Variants in FMNL3 observed in about 807,000 individuals in gnomAD.
FMNL3 encodes formin-like protein 3.
In FMNL3, 57 loss-of-function variants were observed where a neutral mutation model predicts 119.6. That is an observed-to-expected ratio of 0.48 (90% CI 0.39 to 0.59). FMNL3 has a LOEUF of 0.59. Among genes scored for constraint, FMNL3 ranks in the 20% least tolerant of loss-of-function variants. The probability of loss-of-function intolerance (pLI) is 0.00; values close to 1 mark genes in which losing one functional copy is unlikely to be tolerated. For missense variants in FMNL3, 1,053 were observed against 1,323.5 expected, an observed-to-expected ratio of 0.80 and a Z score of 3.17; for synonymous variants, 491 against 507.3, an observed-to-expected ratio of 0.97 and a Z score of 0.43.
chr12:49,656,712 A>C (rs1406645419), intron 8 of FMNL3, 111 bp downstream of exon 8: 1 of 1,123,146 alleles, frequency 8.9e-7, no homozygotes, highest in African/African-American at 1.5e-5. Flanking sequence ...GGGCCAAACC[A>C]AGGCTCTTGA....
intron 1 of FMNL3, among the ~76,000 whole-genome samples, chr12:49,676,584 C>T (rs1400421254): frequency 8.2e-6 from 1 of 122,290 alleles, no homozygotes; most frequent in Non-Finnish European, 1.6e-5. Flanking sequence ...AGAACATAAA[C>T]TCCTTAAGGG....
chr12:49,657,007 T>A (rs1943591313), intron 7 of FMNL3, 75 bp downstream of exon 7: 2 of 1,551,528 alleles, frequency 1.3e-6, no homozygotes, highest in Non-Finnish European at 1.8e-6. Flanking sequence ...TATAAGCTGA[T>A]GCCCTCCTAG....
intron 25 of FMNL3, chr12:49,646,599 G>A (rs1943198975): frequency 7.0e-7 from 1 of 1,432,474 alleles, no homozygotes; most frequent in Non-Finnish European, 9.2e-7. Context: ...GGAATCCTGG[G>A]AGACGGGCAT....
intron 5 of FMNL3, 82 bp downstream of exon 5, chr12:49,661,884 T>A: frequency 7.7e-7 from 1 of 1,298,854 alleles, no homozygotes; most frequent in South Asian, 1.2e-5. Flanking sequence ...ATTGTTGAAC[T>A]CTCACCCTTC....
chr12:49,644,240 T>C lies in FMNL3; in HGVS notation c.*1575A>G. On this transcript the variant is annotated 3_prime_UTR_variant, in exon 26 of 26. Coordinates refer to ENST00000335154, the MANE Select transcript of FMNL3 (RefSeq NM_175736.5). ...CGGGTCTGTGTGAGGCCATGGCTCC[T>C]GGGCCACCCTCACCGTCTGCCTCAG... 16 of 1,597,528 alleles carry C rather than the reference T, an allele frequency of 1.0e-5. No homozygotes were observed. The highest frequency in any genetic ancestry group is 1.3e-5 in the Non-Finnish European group (15 of 1,165,868).
At position 49,649,134 on chromosome 12, in the gene FMNL3, G is replaced by C. The variant is rs376073981; in HGVS notation, c.2410C>G (p.Arg804Gly). 10 of 1,613,354 alleles carry C rather than the reference G, an allele frequency of 6.2e-6. No homozygotes were observed. Among genetic ancestry groups the C allele is most frequent in the African/African-American group, 1.3e-5 (1 of 74,886 alleles). ...ATGAAATGAAGCAGTGTCATCTTCC[G>C]GTCAGTGGACTTGGTATCCAGCAGC... is the stretch of plus-strand genomic sequence containing the variant. ...DLLLDTKSTD[R>G]KMTLLHFIAL... Residue 804 changes from arginine to glycine, a missense_variant, in exon 21 of 26, where the codon CGG becomes GGG. Transcript: ENST00000335154. The surrounding 1 kb of genome is among the most constrained non-coding windows in gnomAD (Gnocchi z 5.6).
rs773144132 is a variant in FMNL3, at chr12:49,637,445, CTA to C, written c.*8368_*8369del. 1.3e-5 allele frequency: 21 copies of C among 1,555,982 alleles called. No homozygotes were observed. The highest frequency in any genetic ancestry group is 3.3e-5 in the Admixed American group (2 of 59,882). On this transcript the variant is annotated 3_prime_UTR_variant, in exon 26 of 26. Coordinates refer to ENST00000335154, the MANE Select transcript of FMNL3 (RefSeq NM_175736.5). Reference sequence around the variant, plus strand: ...GCTCTGCCTCCCTGTCTCACTCTCCCTATAACTGGCCTCTCCCTGCTCAGACC... The same window carrying C: ...GCTCTGCCTCCCTGTCTCACTCTCCCTAACTGGCCTCTCCCTGCTCAGACC...
intron 1 of FMNL3, chr12:49,688,309 C>G (rs1944519015): frequency 4.7e-6 from 2 of 427,150 alleles, no homozygotes; most frequent in African/African-American, 4.1e-5. Context: ...ATAAGGGAGA[C>G]AGATTCCAGG....
chr12:49,675,131 C>T (rs955878340), intron 1 of FMNL3, among the ~76,000 whole-genome samples: 22 of 152,192 alleles, frequency 1.4e-4, no homozygotes, highest in Admixed American at 6.5e-5. Context: ...ATGAGATAAC[C>T]TCTGCAGGTA....
At position 49,653,810 on chromosome 12, in the gene FMNL3, A is replaced by C. The variant is rs1182040656; in HGVS notation, c.1136T>G (p.Phe379Cys). Residue 379 changes from phenylalanine (F) to cysteine (C), a missense_variant, in exon 12 of 26, where the codon TTT becomes TGT. Phe to Cys is a radical substitution (Grantham distance 205). Around this residue, in one of 4 missense-constraint regions of FMNL3, gnomAD observed 445 missense variants for 628.4 expected, o/e 0.71. Coordinates refer to ENST00000335154, the MANE Select transcript of FMNL3 (RefSeq NM_175736.5). ...VQIQAYLDNV[F>C]DVGGLLEDAE... Reference sequence around the variant, plus strand: ...ATCCTCCAACAAACCCCCGACATCAAACACGTTGTCCAGATATGCCTGAAT... The same window carrying C: ...ATCCTCCAACAAACCCCCGACATCACACACGTTGTCCAGATATGCCTGAAT... 6.2e-7 allele frequency: 1 copy of C among 1,614,178 alleles called. No homozygotes were observed. The highest frequency in any genetic ancestry group is 2.2e-5 in the East Asian group (1 of 44,888).
At chr12:49,648,739 T>C (rs1417553158) in intron 21 of FMNL3, among the ~76,000 whole-genome samples, 1 of 152,204 alleles carries the variant, frequency 6.6e-6, no homozygotes, top group Non-Finnish European at 1.5e-5. Context: ...ACAAGACCTC[T>C]GGGGCCAGCT....
chr12:49,702,464 T>C (rs1405165040), intron 1 of FMNL3, among the ~76,000 whole-genome samples: 3 of 152,252 alleles, frequency 2.0e-5, no homozygotes, highest in Non-Finnish European at 4.4e-5. Context: ...GATGTTTTTC[T>C]TTAACCTAAA....
Position 49,642,107 on chromosome 12 carries a change from T to C in FMNL3, c.*3708A>G. ...CCTTCTCACTCACTGTCCCACTGAC[T>C]ATATTCCCAATTCAGGGGATGGTGG... is the stretch of plus-strand genomic sequence containing the variant. On this transcript the variant is annotated 3_prime_UTR_variant, in exon 26 of 26. Transcript: ENST00000335154. The surrounding 1 kb of genome is among the most constrained non-coding windows in gnomAD (Gnocchi z 5.8). The C allele has an allele frequency of 2.5e-6, 4 of 1,603,540 alleles. No homozygotes were observed. The highest frequency in any genetic ancestry group is 3.4e-6 in the Non-Finnish European group (4 of 1,172,712).
chr12:49,661,668 C>T, intron 5 of FMNL3: 1 of 356,068 alleles, frequency 2.8e-6, no homozygotes, highest in South Asian at 3.8e-5. Context: ...CCCTGGATTG[C>T]TCACAGCTTG....
At chr12:49,646,278 G>A (rs1055385030) in intron 25 of FMNL3, among the ~76,000 whole-genome samples, 16 of 152,178 alleles carry the variant, frequency 1.1e-4, no homozygotes, top group South Asian at 4.1e-4. Context: ...GAAGAGAACC[G>A]TAGGGAAAGG....
intron 4 of FMNL3, among the ~76,000 whole-genome samples, chr12:49,664,106 G>A (rs1943817833): frequency 6.6e-6 from 1 of 152,184 alleles, no homozygotes; most frequent in South Asian, 2.1e-4. Context: ...AAATTAGCTG[G>A]GCGTGGTGGT....
intron 1 of FMNL3, among the ~76,000 whole-genome samples, chr12:49,670,101 C>A (rs1425717782): frequency 6.6e-6 from 1 of 152,234 alleles, no homozygotes; most frequent in Non-Finnish European, 1.5e-5. Flanking sequence ...TCAGCTCTAA[C>A]TCCCTGGTAA....
intron 1 of FMNL3, among the ~76,000 whole-genome samples, chr12:49,702,010 A>C (rs1944923029): frequency 6.6e-6 from 1 of 152,120 alleles, no homozygotes; most frequent in Non-Finnish European, 1.5e-5. Context: ...CTGGATAAAA[A>C]ACATATATAC....
Position 49,686,779 on chromosome 12 carries a change from A to G in FMNL3, c.127-18225T>C, listed in dbSNP as rs533352185. 2.0e-5 allele frequency among the ~76,000 whole-genome samples: 3 copies of G among 152,256 alleles called. No individual in the cohort carries two copies. In the East Asian group the frequency reaches 5.8e-4, roughly 29 times the overall value. ...TGAGAGAATCAGACTTGAGAAGCCT[A>G]GGAAAGACAAGTATCTATTTACAGT... On this transcript the variant is annotated intron_variant, in intron 1 of 25. Transcript: ENST00000335154.
Sources: allele counts gnomAD v4.1 joint callset (sites outside exome capture counted in the v4.1 genomes callset), GRCh38; gene constraint gnomAD v4.1.1; regional missense constraint gnomAD v4.1.1; non-coding constraint Gnocchi (gnomAD v3.1); transcripts MANE v1.5; gene names NCBI Gene and HGNC (gene_info 2026-07-23, HGNC 2026-07-21).